FRYL: variants seen among roughly 807,000 people sequenced by gnomAD.
The protein encoded by FRYL is FRY like transcription coactivator.
Under a neutral mutation model 351.2 loss-of-function variants are expected in FRYL, and 150 were observed. The ratio of observed to expected loss-of-function variants is 0.43; its 90% CI spans 0.37 to 0.49. The LOEUF (loss-of-function observed/expected upper bound fraction) is 0.49. Ranked by LOEUF, FRYL falls within the 20% of genes least tolerant of loss-of-function variation. The pLI is 0.00. For synonymous variants in FRYL, 1,153 were observed against 1,257.1 expected, an observed-to-expected ratio of 0.92 and a Z score of 1.75; for missense variants, 3,036 against 3,619.3, an observed-to-expected ratio of 0.84 and a Z score of 4.13.
At chr4:48,623,408 A>C (rs1198560456) in intron 4 of FRYL, among the ~76,000 whole-genome samples, 2 of 152,152 alleles carry the variant, frequency 1.3e-5, no homozygotes, top group Non-Finnish European at 2.9e-5. Context: ...CTCCATACCA[A>C]AGAAAGTGGT....
At chr4:48,775,727 A>C in intron 1 of FRYL, among the ~76,000 whole-genome samples, 1 of 152,218 alleles carries the variant, frequency 6.6e-6, no homozygotes, top group East Asian at 1.9e-4. Flanking sequence ...AATAATCAAG[A>C]AATAAGAAGA....
chr4:48,543,857 C>G lies in FRYL; in HGVS notation c.5542G>C (p.Val1848Leu). ...ACAGTTTCTACAAGTCTGGAGAGAA[C>G]ATCAGAAAGTGTAGTTGCAGTGAGA... ...QPLTATTLSD[V>L]LSRLVETVGD... The change falls in exon 44 of 64, where the codon GTT (valine) becomes CTT (leucine). Residue 1848 changes from valine to leucine, a missense_variant. Val to Leu is a conservative substitution (Grantham distance 32, BLOSUM62 1). Around this residue, in one of 7 missense-constraint regions of FRYL, gnomAD observed 1,987 missense variants for 2,311.7 expected, o/e 0.86. Coordinates refer to ENST00000358350, the MANE Select transcript of FRYL (RefSeq NM_015030.2). 6.2e-7 allele frequency: 1 copy of G among 1,613,792 alleles called. No individual in the cohort carries two copies. The highest frequency in any genetic ancestry group is 8.5e-7 in the Non-Finnish European group (1 of 1,179,788).
At position 48,550,601 on chromosome 4, in the gene FRYL, C is replaced by G; in HGVS notation, c.4624G>C (p.Glu1542Gln). The G allele has an allele frequency of 6.2e-7, 1 of 1,606,834 alleles. No individual in the cohort carries two copies. The highest frequency in any genetic ancestry group is 8.5e-7 in the Non-Finnish European group (1 of 1,173,718). The change falls in exon 38 of 64, where the codon GAA becomes CAA. Residue 1542 changes from glutamate (E) to glutamine (Q), a missense_variant. Around this residue, in one of 7 missense-constraint regions of FRYL, gnomAD observed 1,987 missense variants for 2,311.7 expected, o/e 0.86. Coordinates refer to ENST00000358350, the MANE Select transcript of FRYL (RefSeq NM_015030.2). ...YSSSSGGSYE[E>Q]EKSDSMPLYS... is the part of the protein sequence containing the mutation. ...ATTTGGAATTTATTACTTTTTTCTT[C>G]TTCATAAGATCCTCCAGAGCTGCTA...
chr4:48,635,283 T>C (rs1349556134), intron 3 of FRYL, among the ~76,000 whole-genome samples: 1 of 152,172 alleles, frequency 6.6e-6, no homozygotes, highest in African/African-American at 2.4e-5. Context: ...ATCTCTCTGG[T>C]ACCTCTGGAG....
chr4:48,568,264 T>A (rs1286413953), intron 27 of FRYL, among the ~76,000 whole-genome samples: 1 of 152,218 alleles, frequency 6.6e-6, no homozygotes, highest in Non-Finnish European at 1.5e-5. Context: ...AAGAAAGATG[T>A]ATCTGCAATG....
chr4:48,775,184 T>G (rs764042423), intron 1 of FRYL, among the ~76,000 whole-genome samples: 1 of 152,242 alleles, frequency 6.6e-6, no homozygotes, highest in Non-Finnish European at 1.5e-5. Context: ...AAGCCCAGGT[T>G]TGTGTGCTAG....
At chr4:48,725,865 T>A (rs1230586056) in intron 1 of FRYL, among the ~76,000 whole-genome samples, 1 of 152,148 alleles carries the variant, frequency 6.6e-6, no homozygotes, top group Non-Finnish European at 1.5e-5. Context: ...TTATCAGAGG[T>A]ATGTATGTAT....
At position 48,576,030 on chromosome 4, in the gene FRYL, T is replaced by C. The variant is rs1739522774; in HGVS notation, c.2721A>G (p.Lys907=). The stretch of plus-strand genomic sequence containing the variant: ...CCAACAGTGGATCTGAGAAACTTAC[T>C]TTAGAATCAATGCTATAGCCGCTAT... ...TPDSGYSIDS[K]IIGIPSPSSL... is the part of the protein sequence containing the mutation. Residue 907 remains lysine, a splice_region_variant and synonymous_variant, in exon 24 of 64, where the codon AAA becomes AAG. Transcript: ENST00000358350. 1 of 1,587,446 alleles carries C rather than the reference T, an allele frequency of 6.3e-7. No individual in the cohort carries two copies. Among genetic ancestry groups the C allele is most frequent in the African/African-American group, 1.4e-5 (1 of 73,322 alleles).
intron 7 of FRYL, among the ~76,000 whole-genome samples, chr4:48,615,028 G>A (rs868825148): frequency 1.2e-4 from 19 of 152,024 alleles, no homozygotes; most frequent in Middle Eastern, 3.4e-3. Flanking sequence ...GGGTTTCACC[G>A]TGTTAGCCAA....
rs780129730 is a variant in FRYL, at chr4:48,549,449, A to G, written c.4784+24T>C. The G allele has an allele frequency of 6.3e-6, 10 of 1,584,296 alleles. No homozygotes were observed. The highest frequency in any genetic ancestry group is 1.2e-5 in the South Asian group (1 of 86,350). On this transcript the variant is annotated intron_variant, in intron 39 of 63. Coordinates refer to ENST00000358350, the MANE Select transcript of FRYL (RefSeq NM_015030.2). This position sits in a 1 kb window ranked among gnomAD's most constrained non-coding sequence, Gnocchi z 4.2. Reference sequence around the variant, plus strand: ...TTCAGCAGCAACTTGGTGCATATGTAAAAGGAATGACGCTGTAGTCCACCT... The same window carrying G: ...TTCAGCAGCAACTTGGTGCATATGTGAAAGGAATGACGCTGTAGTCCACCT...
intron 55 of FRYL, among the ~76,000 whole-genome samples, chr4:48,519,266 AT>A (rs1724358897): frequency 6.6e-6 from 1 of 151,816 alleles, no homozygotes; most frequent in Admixed American, 6.6e-5. Flanking sequence ...CCCTCCTCCC[AT>A]TTTACTCTCT....
At chr4:48,592,114 A>ATATATT (rs1272210127) in intron 16 of FRYL, among the ~76,000 whole-genome samples, 2 of 136,950 alleles carry the variant, frequency 1.5e-5, no homozygotes, top group East Asian at 2.1e-4. Flanking sequence ...ATATATATAT[A>ATATATT]TTTTATCTAA....
At chr4:48,740,502 C>A (rs1771934223) in intron 1 of FRYL, among the ~76,000 whole-genome samples, 2 of 151,922 alleles carry the variant, frequency 1.3e-5, no homozygotes, top group Non-Finnish European at 2.9e-5. Flanking sequence ...ACCATGTTAG[C>A]CAGGCTGGTC....
chr4:48,731,383 C>T (rs1260338332), intron 1 of FRYL, among the ~76,000 whole-genome samples: 1 of 152,146 alleles, frequency 6.6e-6, no homozygotes, highest in Admixed American at 6.5e-5. Context: ...AGATTCCATG[C>T]TATCCCCATC....
intron 63 of FRYL, 115 bp downstream of exon 63, chr4:48,499,915 G>A (rs1451032459): frequency 3.5e-6 from 3 of 848,344 alleles, no homozygotes; most frequent in Non-Finnish European, 5.4e-6. Flanking sequence ...AAATACTCAT[G>A]TTTTTCTTTC....
Position 48,543,953 on chromosome 4 carries a change from T to C in FRYL, c.5446A>G (p.Thr1816Ala). 1 of 1,613,824 alleles carries C rather than the reference T, an allele frequency of 6.2e-7. No individual in the cohort carries two copies. The highest frequency in any genetic ancestry group is 8.5e-7 in the Non-Finnish European group (1 of 1,179,810). The change falls in exon 44 of 64, where the codon ACA (threonine) becomes GCA (alanine). Residue 1816 changes from threonine to alanine, a missense_variant. Physicochemically the swap from Thr to Ala is moderately conservative, Grantham distance 58. Coordinates refer to ENST00000358350, the MANE Select transcript of FRYL (RefSeq NM_015030.2). ...TGTCGAGAAGAACAGGAAAGTGCTG[T>C]TTGCAGAGCAACTTCACTAAGATGA... ...EHHLSEVALQ[T>A]ALSCSSRHYA...
chr4:48,654,242 A>T (rs1433890535), intron 3 of FRYL, among the ~76,000 whole-genome samples: 1 of 151,884 alleles, frequency 6.6e-6, no homozygotes, highest in Admixed American at 6.6e-5. Flanking sequence ...TTTTTAAAAA[A>T]TAAATAAATT....
rs748747018 is a variant in FRYL at position 48,581,629 on chromosome 4, A to C, written c.1987-24T>G. On this transcript the variant is annotated intron_variant, in intron 20 of 63. Coordinates refer to ENST00000358350, the MANE Select transcript of FRYL (RefSeq NM_015030.2). ...TGCTTGAAAAACAGAAGTTAAAAAC[A>C]AAATATAAAAATATATGCACAGACA... is the stretch of plus-strand genomic sequence containing the variant. 1.1e-5 allele frequency: 17 copies of C among 1,551,918 alleles called. No individual in the cohort carries two copies. In the South Asian group the frequency reaches 1.8e-4, roughly 17 times the overall value.
At chr4:48,524,523 G>A (rs1194769630) in intron 53 of FRYL, among the ~76,000 whole-genome samples, 1 of 152,164 alleles carries the variant, frequency 6.6e-6, no homozygotes, top group Non-Finnish European at 1.5e-5. Flanking sequence ...ATTTTCATTA[G>A]TGGTTAAGTT....
Sources: allele counts gnomAD v4.1 joint callset (sites outside exome capture counted in the v4.1 genomes callset), GRCh38; gene constraint gnomAD v4.1.1; regional missense constraint gnomAD v4.1.1; non-coding constraint Gnocchi (gnomAD v3.1); transcripts MANE v1.5; gene names NCBI Gene and HGNC (gene_info 2026-07-23, HGNC 2026-07-21).